The following ANKRD11 variants were observed in gnomAD, a reference collection of about 807,000 sequenced individuals.
ANKRD11 encodes the protein ankyrin repeat domain-containing protein 11.
In ANKRD11, 17 loss-of-function variants were observed where a neutral mutation model predicts 195.7. That is an observed-to-expected ratio of 0.09 (90% CI 0.06 to 0.13). The LOEUF is 0.13. Ranked by LOEUF, ANKRD11 falls within the 10% of genes least tolerant of loss-of-function variation. ANKRD11 has a pLI of 1.00. For missense variants in ANKRD11, 3,735 were observed against 3,566.1 expected (o/e 1.05, Z -1.21); for synonymous variants, 1,953 against 1,528.1 (o/e 1.28, Z -6.49).
chr16:89,371,659 T>C (rs567790380), intron 2 of ANKRD11, among the ~76,000 whole-genome samples: 1 of 152,070 alleles, frequency 6.6e-6, no homozygotes, highest in East Asian at 1.9e-4. Flanking sequence ...TGGAGGGCGA[T>C]GCAGACTCCC....
At chr16:89,471,324 C>A (rs1332325640) in intron 1 of ANKRD11, among the ~76,000 whole-genome samples, 1 of 152,162 alleles carries the variant, frequency 6.6e-6, no homozygotes, top group East Asian at 1.9e-4. Context: ...AGCCTGCTGC[C>A]CCGAAGTCCT....
chr16:89,275,239 G>C (rs1420260829), intron 9 of ANKRD11, 48 bp from the exon 10 acceptor site: 2 of 1,506,100 alleles, frequency 1.3e-6, no homozygotes, highest in Non-Finnish European at 9.1e-7. Context: ...CTGTGGAACT[G>C]CACGAAGGAT....
chr16:89,360,527 T>C (rs1266821076), intron 2 of ANKRD11: 2 of 152,234 alleles, frequency 1.3e-5, no homozygotes, highest in Non-Finnish European at 2.9e-5. Flanking sequence ...TATTGTTATG[T>C]GCATTAGCCA....
chr16:89,488,631 T>C (rs971668029), intron 1 of ANKRD11, among the ~76,000 whole-genome samples: 1 of 152,182 alleles, frequency 6.6e-6, no homozygotes, highest in Non-Finnish European at 1.5e-5. Context: ...AGACTAGGTC[T>C]GCACACAACA....
intron 2 of ANKRD11, among the ~76,000 whole-genome samples, chr16:89,364,219 T>G (rs984781267): frequency 3.9e-5 from 6 of 152,326 alleles, no homozygotes; most frequent in Non-Finnish European, 5.9e-5. Context: ...TCAGGCAACA[T>G]GTGGGGGCCC....
At chr16:89,409,871 G>A (rs1250219086) in intron 2 of ANKRD11, among the ~76,000 whole-genome samples, 1 of 142,262 alleles carries the variant, frequency 7.0e-6, no homozygotes, top group East Asian at 1.9e-4. Context: ...TGGGAGTCTC[G>A]CTCTGTCGCC....
At chr16:89,353,379 A>C (rs2039313652) in intron 2 of ANKRD11, among the ~76,000 whole-genome samples, 1 of 152,032 alleles carries the variant, frequency 6.6e-6, no homozygotes, top group Non-Finnish European at 1.5e-5. Context: ...AGAGAAAGTA[A>C]ACAAAGTTTC....
chr16:89,351,661 T>C (rs1276735813), intron 2 of ANKRD11, among the ~76,000 whole-genome samples: 1 of 152,118 alleles, frequency 6.6e-6, no homozygotes, highest in Non-Finnish European at 1.5e-5. Flanking sequence ...TGGGCGCAGG[T>C]TCGTGTCATG....
chr16:89,312,198 A>G (rs1404308059), intron 3 of ANKRD11, among the ~76,000 whole-genome samples: 1 of 152,212 alleles, frequency 6.6e-6, no homozygotes, highest in African/African-American at 2.4e-5. Flanking sequence ...GCACCTGGCC[A>G]GGAACTTCCA....
chr16:89,334,158 A>AC (rs1337626166), intron 2 of ANKRD11, among the ~76,000 whole-genome samples: 24 of 140,370 alleles, frequency 1.7e-4, no homozygotes, highest in East Asian at 1.2e-3. Flanking sequence ...AAAAAAAAAA[A>AC]AAAAAAAAAA....
At chr16:89,356,984 G>A (rs910011425) in intron 2 of ANKRD11, among the ~76,000 whole-genome samples, 1 of 152,196 alleles carries the variant, frequency 6.6e-6, no homozygotes, top group Non-Finnish European at 1.5e-5. Context: ...AGGGGTTGGT[G>A]GCTGCCTTGT....
chr16:89,301,852 G>A (rs2035875726), intron 4 of ANKRD11, among the ~76,000 whole-genome samples: 2 of 152,210 alleles, frequency 1.3e-5, no homozygotes, highest in African/African-American at 2.4e-5. Flanking sequence ...CGCGGGCAGG[G>A]CCGACTCAAC....
intron 4 of ANKRD11, chr16:89,300,004 T>G: frequency 5.7e-6 from 1 of 175,776 alleles, no homozygotes; most frequent in Non-Finnish European, 1.1e-5. Context: ...GTGCCCTGTG[T>G]GGGGTGCCTG....
chr16:89,325,406 C>T (rs547088138), intron 2 of ANKRD11, among the ~76,000 whole-genome samples: 11 of 151,972 alleles, frequency 7.2e-5, no homozygotes, highest in African/African-American at 2.4e-4. Context: ...CCACTGTACT[C>T]CAGCCCGGGC....
At chr16:89,415,323 G>C (rs1178248386) in intron 2 of ANKRD11, among the ~76,000 whole-genome samples, 1 of 141,762 alleles carries the variant, frequency 7.1e-6, no homozygotes, top group Non-Finnish European at 1.5e-5. Context: ...GGAGCGCAGT[G>C]GTGCGATCTC....
intron 2 of ANKRD11, among the ~76,000 whole-genome samples, chr16:89,369,138 C>T (rs1422579045): frequency 6.6e-6 from 1 of 152,140 alleles, no homozygotes; most frequent in Non-Finnish European, 1.5e-5. Context: ...AAAGGACCAA[C>T]CACACCAGAT....
intron 2 of ANKRD11, among the ~76,000 whole-genome samples, chr16:89,367,293 A>G (rs1482628908): frequency 6.6e-6 from 1 of 152,226 alleles, no homozygotes; most frequent in East Asian, 1.9e-4. Flanking sequence ...CGCAGGGGCC[A>G]GTGCTGGCCC....
At chr16:89,271,959 G>C (rs779419609) in intron 11 of ANKRD11, 2 of 152,058 alleles carry the variant, frequency 1.3e-5, no homozygotes, top group African/African-American at 4.8e-5. Flanking sequence ...GAAAAGACAC[G>C]CACAGAATGG....
At chr16:89,409,097 C>T (rs2042018085) in intron 2 of ANKRD11, among the ~76,000 whole-genome samples, 1 of 152,156 alleles carries the variant, frequency 6.6e-6, no homozygotes, top group Non-Finnish European at 1.5e-5. Flanking sequence ...AGCTGGGGGC[C>T]CAGGCCAGTG....
Sources: allele counts gnomAD v4.1 joint callset (sites outside exome capture counted in the v4.1 genomes callset), GRCh38; gene constraint gnomAD v4.1.1; transcripts MANE v1.5; gene names NCBI Gene and HGNC (gene_info 2026-07-23, HGNC 2026-07-21).